Variants in GRID2 observed in about 807,000 individuals in gnomAD.
GRID2 encodes the protein glutamate ionotropic receptor delta type subunit 2.
Under a neutral mutation model 114.8 loss-of-function variants are expected in GRID2, and 33 were observed. The ratio of observed to expected loss-of-function variants is 0.29; its 90% CI spans 0.22 to 0.38. The LOEUF is 0.38. Ranked by LOEUF, GRID2 falls within the 10% of genes least tolerant of loss-of-function variation. The probability of loss-of-function intolerance (pLI) is 1.00; values close to 1 mark genes in which losing one functional copy is unlikely to be tolerated. For synonymous variants in GRID2, 505 were observed against 449.9 expected (o/e 1.12, Z -1.55); for missense variants, 1,184 against 1,257.7 (o/e 0.94, Z 0.89).
At chr4:92,713,144 C>T (rs951972935) in intron 2 of GRID2, among the ~76,000 whole-genome samples, 4 of 150,338 alleles carry the variant, frequency 2.7e-5, no homozygotes, top group African/African-American at 7.3e-5. Context: ...TATCCCTCCC[C>T]GCTCCCCCCA....
chr4:93,270,520 C>G (rs979730768), intron 8 of GRID2, among the ~76,000 whole-genome samples: 21 of 152,170 alleles, frequency 1.4e-4, no homozygotes, highest in African/African-American at 4.8e-4. Flanking sequence ...CTTACTGTTA[C>G]AGCACATCAT....
At chr4:92,349,872 C>A (rs1579220514) in intron 1 of GRID2, among the ~76,000 whole-genome samples, 1 of 151,780 alleles carries the variant, frequency 6.6e-6, no homozygotes, top group Non-Finnish European at 1.5e-5. Context: ...ACTTTCATAA[C>A]CACATCAAGG....
intron 2 of GRID2, among the ~76,000 whole-genome samples, chr4:92,911,115 G>A (rs1374806852): frequency 6.6e-6 from 1 of 151,290 alleles, no homozygotes; most frequent in Non-Finnish European, 1.5e-5. Context: ...TTTCATTATT[G>A]GATTGATTCA....
intron 1 of GRID2, among the ~76,000 whole-genome samples, chr4:92,305,465 G>T (rs1489741125): frequency 6.6e-6 from 1 of 152,166 alleles, no homozygotes; most frequent in Non-Finnish European, 1.5e-5. Flanking sequence ...CTTGGGAAAC[G>T]CGGGGAAGCG....
chr4:92,795,080 AG>A (rs1447636685), intron 2 of GRID2, among the ~76,000 whole-genome samples: 2 of 151,604 alleles, frequency 1.3e-5, no homozygotes, highest in Non-Finnish European at 2.9e-5. Flanking sequence ...AAGGCAGAAG[AG>A]GGGCAAGATC....
intron 1 of GRID2, among the ~76,000 whole-genome samples, chr4:93,784,088 A>AAAAAAAAC (rs1734541733): frequency 1.3e-5 from 2 of 150,100 alleles, no homozygotes; most frequent in African/African-American, 4.9e-5. Flanking sequence ...AAAAAAAAAA[A>AAAAAAAAC]AAAAAAAAAA....
intron 1 of GRID2, among the ~76,000 whole-genome samples, chr4:92,349,808 A>C (rs921222257): frequency 6.6e-6 from 1 of 151,894 alleles, no homozygotes; most frequent in African/African-American, 2.4e-5. Context: ...AACACAGATA[A>C]TGAAAAGGAA....
intron 2 of GRID2, among the ~76,000 whole-genome samples, chr4:92,796,947 A>G (rs1468262686): frequency 6.6e-6 from 1 of 151,942 alleles, no homozygotes; most frequent in African/African-American, 2.4e-5. Flanking sequence ...TATTTTTCAA[A>G]AAGTGGAAGG....
At chr4:92,890,494 A>G (rs1746689991) in intron 2 of GRID2, among the ~76,000 whole-genome samples, 2 of 152,206 alleles carry the variant, frequency 1.3e-5, no homozygotes, top group Admixed American at 1.3e-4. Context: ...TTATGTGGCC[A>G]AAAAACATAT....
intron 6 of GRID2, chr4:93,217,176 C>T (rs944686938): frequency 4.2e-6 from 1 of 237,268 alleles, no homozygotes. Context: ...AGGTCCATAA[C>T]ATTTCCCACA....
intron 8 of GRID2, among the ~76,000 whole-genome samples, chr4:93,257,017 C>T (rs72872767): frequency 0.012 from 1,798 of 151,374 alleles, 37 homozygotes; most frequent in African/African-American, 0.042. Context: ...TTTTGATGCA[C>T]GTGGGACAAA....
intron 13 of GRID2, among the ~76,000 whole-genome samples, chr4:93,546,483 G>C (rs1316770548): frequency 1.3e-5 from 2 of 152,134 alleles, no homozygotes; most frequent in African/African-American, 2.4e-5. Flanking sequence ...GGACCAAGGA[G>C]GGCCTGTATG....
chr4:93,212,589 A>C (rs1476710542), intron 5 of GRID2, among the ~76,000 whole-genome samples: 1 of 152,178 alleles, frequency 6.6e-6, no homozygotes, highest in Non-Finnish European at 1.5e-5. Flanking sequence ...TGCACTGTTC[A>C]GAGCTGCAAG....
chr4:93,095,934 C>T (rs1383633104), intron 3 of GRID2, among the ~76,000 whole-genome samples: 1 of 151,886 alleles, frequency 6.6e-6, no homozygotes, highest in Non-Finnish European at 1.5e-5. Context: ...TCTTATATAG[C>T]CGCAACAATT....
intron 1 of GRID2, among the ~76,000 whole-genome samples, chr4:92,321,021 A>G (rs972819185): frequency 1.3e-5 from 2 of 152,200 alleles, no homozygotes; most frequent in Non-Finnish European, 2.9e-5. Flanking sequence ...ATAGTTTCAT[A>G]TTGAATGTAT....
At chr4:93,318,391 G>A (rs1030714488) in intron 8 of GRID2, among the ~76,000 whole-genome samples, 2 of 151,948 alleles carry the variant, frequency 1.3e-5, no homozygotes, top group South Asian at 2.1e-4. Context: ...TTCCAAAGAA[G>A]CCATTGTTTT....
chr4:93,158,828 G>C (rs1295683286), intron 4 of GRID2, among the ~76,000 whole-genome samples: 1 of 151,686 alleles, frequency 6.6e-6, no homozygotes, highest in African/African-American at 2.4e-5. Flanking sequence ...CAACAGATTT[G>C]CCAAACAATA....
chr4:92,799,568 C>T (rs996045265), intron 2 of GRID2, among the ~76,000 whole-genome samples: 3 of 151,954 alleles, frequency 2.0e-5, no homozygotes, highest in East Asian at 1.9e-4. Context: ...CTTTTTTCTT[C>T]GTGTGCACAT....
At chr4:93,003,037 T>G (rs906194235) in intron 2 of GRID2, among the ~76,000 whole-genome samples, 8 of 151,990 alleles carry the variant, frequency 5.3e-5, no homozygotes, top group Admixed American at 1.3e-4. Flanking sequence ...GATTACATTT[T>G]GGATCCACCT....
Sources: allele counts gnomAD v4.1 joint callset (sites outside exome capture counted in the v4.1 genomes callset), GRCh38; gene constraint gnomAD v4.1.1; transcripts MANE v1.5; gene names NCBI Gene and HGNC (gene_info 2026-07-23, HGNC 2026-07-21).